EP300: variants seen among roughly 807,000 people sequenced by gnomAD.
The protein encoded by EP300 is EP300 lysine acetyltransferase.
In EP300, 31 loss-of-function variants were observed where a neutral mutation model predicts 264.0. The observed-to-expected ratio is 0.12, with a 90% CI of 0.09 to 0.16. The LOEUF (loss-of-function observed/expected upper bound fraction) is 0.16. Among genes scored for constraint, EP300 ranks in the 10% least tolerant of loss-of-function variants. The pLI is 1.00. For synonymous variants in EP300, 1,340 were observed against 1,045.4 expected (o/e 1.28, Z -5.44); for missense variants, 2,766 against 3,052.9 (o/e 0.91, Z 2.21).
rs1240949009 is a variant in EP300 at position 41,117,797 on chromosome 22, A to T, written c.705A>T (p.Gly235=). Residue 235 remains glycine (G), a synonymous_variant, in exon 2 of 31, where the codon GGA becomes GGT. Coordinates refer to ENST00000263253, the MANE Select transcript of EP300 (RefSeq NM_001429.4). ...QGSPQMGGQT[G]LRGPQPLKMG... ...CTCCCCAGATGGGAGGACAAACAGG[A>T]TTGAGAGGCCCCCAGCCTCTTAAGG... 2 of 1,614,052 alleles carry T rather than the reference A, an allele frequency of 1.2e-6. No homozygotes were observed. Among genetic ancestry groups the T allele is most frequent in the African/African-American group, 2.7e-5 (2 of 74,938 alleles).
At chr22:41,145,532 G>C (rs916061994) in intron 10 of EP300, among the ~76,000 whole-genome samples, 19 of 152,228 alleles carry the variant, frequency 1.2e-4, no homozygotes, top group African/African-American at 4.3e-4. Context: ...CGAGGGTGCT[G>C]TAAAAATATT....
intron 3 of EP300, 27 bp from the exon 4 acceptor site, chr22:41,127,460 C>T: frequency 6.2e-7 from 1 of 1,613,394 alleles, no homozygotes; most frequent in Non-Finnish European, 8.5e-7. Flanking sequence ...TGACTCCTAC[C>T]ATTAAATATA....
chr22:41,119,026 A>G (rs919558209), intron 2 of EP300, among the ~76,000 whole-genome samples: 5 of 138,608 alleles, frequency 3.6e-5, no homozygotes, highest in Non-Finnish European at 7.7e-5. Flanking sequence ...TTTTTGAGAC[A>G]GGGTCTTACT....
At chr22:41,152,073 T>A in intron 15 of EP300, 61 bp downstream of exon 15, 1 of 1,604,338 alleles carries the variant, frequency 6.2e-7, no homozygotes, top group Admixed American at 1.7e-5. Context: ...ACCCAAGTTT[T>A]AAAAAATATT....
intron 1 of EP300, among the ~76,000 whole-genome samples, chr22:41,097,028 G>A (rs1482264769): frequency 1.3e-5 from 2 of 152,166 alleles, no homozygotes; most frequent in African/African-American, 4.8e-5. Context: ...GATATGCTAT[G>A]TTTTATTTTA....
At chr22:41,157,018 G>T in intron 17 of EP300, 151 bp from the exon 18 acceptor site, 1 of 862,720 alleles carries the variant, frequency 1.2e-6, no homozygotes, top group South Asian at 1.6e-5. Context: ...AATATTTAAA[G>T]AAGTGATGGA....
intron 10 of EP300, among the ~76,000 whole-genome samples, chr22:41,142,598 T>G (rs1039382317): frequency 6.6e-6 from 1 of 151,936 alleles, no homozygotes; most frequent in African/African-American, 2.4e-5. Context: ...TTAAAAAAAG[T>G]AGACAGGCTG....
chr22:41,131,621 A>C lies in EP300; in HGVS notation c.1516A>C (p.Met506Leu), dbSNP rs886057556. 1 of 1,614,158 alleles carries C rather than the reference A, an allele frequency of 6.2e-7. No individual in the cohort carries two copies. Among genetic ancestry groups the C allele is most frequent in the South Asian group, 1.1e-5 (1 of 91,084 alleles). Residue 506 changes from methionine (M) to leucine (L), a missense_variant, in exon 6 of 31, where the codon ATG becomes CTG. By Grantham distance (15) the Met-to-Leu change is conservative. Coordinates refer to ENST00000263253, the MANE Select transcript of EP300 (RefSeq NM_001429.4). ...PGQSPQGMRP[M>L]SNMSASPMGV... ...GCAGTCTCCCCAAGGCATGCGGCCCATGAGCAACATGAGTAAGTTTGTGTC... is the reference window on the plus strand; with the variant it reads ...GCAGTCTCCCCAAGGCATGCGGCCCCTGAGCAACATGAGTAAGTTTGTGTC...
In EP300 at chr22:41,167,814, G is replaced by GGTTTTTTT. The variant is rs71328778; in HGVS notation, c.3875-635_3875-634insGTTTTTTT. ...CATTGTTCTATTTCTGTTTGTTTTTGTTTTTTTTTTTGTTTTTTTTTTTTT... is the reference window on the plus strand; with the variant it reads ...CATTGTTCTATTTCTGTTTGTTTTTGGTTTTTTTTTTTTTTTTTTGTTTTTTTTTTTTT... On this transcript the variant is annotated intron_variant, in intron 23 of 30. Coordinates refer to ENST00000263253, the MANE Select transcript of EP300 (RefSeq NM_001429.4). 1.7e-3 allele frequency among the ~76,000 whole-genome samples: 113 copies of GGTTTTTTT among 66,208 alleles called. 19 individuals carry two copies. Among genetic ancestry groups the GGTTTTTTT allele is most frequent in the Admixed American group, 1.9e-3 (7 of 3,736 alleles). The allele number at this position is 66,208 out of a possible 152,430, so 43.4% of individuals were successfully genotyped here. A position where few individuals can be genotyped will look rare whatever the true frequency, so the allele number is the denominator to read the frequency against.
intron 16 of EP300, 48 bp from the exon 17 acceptor site, chr22:41,154,947 C>A: frequency 1.6e-6 from 2 of 1,275,456 alleles, no homozygotes; most frequent in South Asian, 1.2e-5. Context: ...TTTTAAAGTT[C>A]TTCTGCTTAA....
At chr22:41,095,232 ATTTTTTTTTT>A (rs66515117) in intron 1 of EP300, among the ~76,000 whole-genome samples, 1 of 80,264 alleles carries the variant, frequency 1.2e-5, no homozygotes, top group Admixed American at 1.7e-4. Flanking sequence ...TACCATTGTA[ATTTTTTTTTT>A]TTTTTTTTTT....
At chr22:41,176,712 A>G in intron 30 of EP300, 61 bp from the exon 31 acceptor site, 1 of 1,613,320 alleles carries the variant, frequency 6.2e-7, no homozygotes, top group Non-Finnish European at 8.5e-7. Flanking sequence ...ACAATATCTA[A>G]AATACTTTTG....
intron 1 of EP300, among the ~76,000 whole-genome samples, chr22:41,109,712 C>CTT (rs896051079): frequency 3.0e-4 from 43 of 145,396 alleles, no homozygotes; most frequent in African/African-American, 9.3e-4. Context: ...ATCCCTGCAT[C>CTT]TTTTTTTTTT....
At chr22:41,164,733 T>A (rs2059125567) in intron 22 of EP300, among the ~76,000 whole-genome samples, 1 of 151,902 alleles carries the variant, frequency 6.6e-6, no homozygotes, top group Non-Finnish European at 1.5e-5. Flanking sequence ...AAGTAAATGC[T>A]TTTGTTCCGG....
chr22:41,106,754 C>A (rs1030004836), intron 1 of EP300, among the ~76,000 whole-genome samples: 4 of 82,460 alleles, frequency 4.9e-5, no homozygotes, highest in Admixed American at 1.5e-4. Context: ...CACCACCATG[C>A]CTGGCTAATT....
At chr22:41,152,495 G>T (rs566174274) in intron 16 of EP300, 145 bp downstream of exon 16, 4 of 810,542 alleles carry the variant, frequency 4.9e-6, no homozygotes, top group South Asian at 3.7e-5. Flanking sequence ...TCTCTTCATT[G>T]TTACTAATAA....
intron 1 of EP300, among the ~76,000 whole-genome samples, chr22:41,111,683 G>A (rs918299989): frequency 6.7e-6 from 1 of 150,064 alleles, no homozygotes; most frequent in Non-Finnish European, 1.5e-5. Flanking sequence ...CTGAGGTTAC[G>A]GCCTGCACCA....
At chr22:41,099,623 G>A (rs938615527) in intron 1 of EP300, among the ~76,000 whole-genome samples, 8 of 151,956 alleles carry the variant, frequency 5.3e-5, no homozygotes, top group African/African-American at 1.9e-4. Context: ...TGTAACCTCC[G>A]CATACAATTT....
chr22:41,157,481 A>C, intron 18 of EP300, 73 bp downstream of exon 18: 4 of 1,443,514 alleles, frequency 2.8e-6, no homozygotes, highest in Non-Finnish European at 3.9e-6. Context: ...GACTGGGATA[A>C]GAGAATATCC....
Sources: gnomAD v4.1 joint callset for allele counts (sites outside exome capture counted in the v4.1 genomes callset) on GRCh38, gnomAD v4.1.1 for gene constraint, MANE v1.5 for transcripts, NCBI Gene and HGNC (gene_info 2026-07-23, HGNC 2026-07-21) for gene names.